SOCS5: variants seen among roughly 807,000 people sequenced by gnomAD.
SOCS5 encodes suppressor of cytokine signaling 5, also known as CIS-6.
SOCS5 carries 32 observed loss-of-function variants against 42.8 expected under a neutral mutation model. The ratio of observed to expected loss-of-function variants is 0.75; its 90% CI spans 0.56 to 1.01. The LOEUF (loss-of-function observed/expected upper bound fraction) is 1.01, where lower values mean the gene tolerates loss of function less well. SOCS5 is among the 50% of genes least tolerant of loss of function. SOCS5 has a pLI of 0.00. For synonymous variants in SOCS5, 283 were observed against 229.6 expected, an observed-to-expected ratio of 1.23 and a Z score of -2.10; for missense variants, 627 against 653.0, an observed-to-expected ratio of 0.96 and a Z score of 0.43.
intron 1 of SOCS5, among the ~76,000 whole-genome samples, chr2:46,717,776 C>T (rs1672782777): frequency 6.6e-6 from 1 of 152,124 alleles, no homozygotes; most frequent in Admixed American, 6.5e-5. Context: ...ATGGGGTATT[C>T]AACAAGGTCT....
Position 46,760,125 on chromosome 2 carries a change from C to G in SOCS5, c.1595C>G (p.Pro532Arg). Residue 532 changes from proline to arginine, a missense_variant, in exon 2 of 2, where the codon CCA becomes CGA. Physicochemically the swap from Pro to Arg is moderately radical, Grantham distance 103. This residue lies in a region of SOCS5 where 340 missense variants were observed against 367.6 expected (regional missense o/e 0.92). Transcript: ENST00000394861. ...AGAGTTCGCTGGTTGGAACGAGAAC[C>G]AGTCAAGGCAAAGTAAACTCTCCGG... ...KVRVRWLEREPVKAK is the reference protein window; with the variant it reads ...KVRVRWLERERVKAK 6.2e-7 allele frequency: 1 copy of G among 1,612,286 alleles called. No individual in the cohort carries two copies. Among genetic ancestry groups the G allele is most frequent in the Non-Finnish European group, 8.5e-7 (1 of 1,179,120 alleles).
At chr2:46,730,663 A>G (rs1381442295) in intron 1 of SOCS5, among the ~76,000 whole-genome samples, 1 of 152,214 alleles carries the variant, frequency 6.6e-6, no homozygotes, top group Non-Finnish European at 1.5e-5. Context: ...TTCCCATGAA[A>G]TATTAAATGT....
rs1229193086 is a variant in SOCS5 at position 46,759,056 on chromosome 2, T to C, written c.526T>C (p.Ser176Pro). 6.2e-7 allele frequency: 1 copy of C among 1,613,864 alleles called. No homozygotes were observed. Among genetic ancestry groups the C allele is most frequent in the Admixed American group, 1.7e-5 (1 of 60,002 alleles). The change falls in exon 2 of 2, where the codon TCT (serine) becomes CCT (proline). Residue 176 changes from serine to proline, a missense_variant. Physicochemically the swap from Ser to Pro is moderately conservative, Grantham distance 74 (BLOSUM62 -1). This residue lies in a region of SOCS5 where 278 missense variants were observed against 246.3 expected (regional missense o/e 1.13). Transcript: ENST00000394861. The stretch of plus-strand genomic sequence containing the variant: ...TTCCAGCAGAACTGTAGGAAGTCGC[T>C]CTCTAAGACAGAGGTTGCAGGATAC... ...SVSSRTVGSR[S>P]LRQRLQDTVG...
chr2:46,702,420 G>T (rs1293648213), intron 1 of SOCS5, among the ~76,000 whole-genome samples: 3 of 152,148 alleles, frequency 2.0e-5, no homozygotes. Context: ...ATGTGTTACT[G>T]TTTCTGAATG....
chr2:46,760,159 G>A lies in SOCS5; in HGVS notation c.*18G>A. 1 of 1,594,778 alleles carries A rather than the reference G, an allele frequency of 6.3e-7. No individual in the cohort carries two copies. The highest frequency in any genetic ancestry group is 8.6e-7 in the Non-Finnish European group (1 of 1,168,042). On this transcript the variant is annotated 3_prime_UTR_variant, in exon 2 of 2. Transcript: ENST00000394861. Reference sequence around the variant, plus strand: ...CAAAGTAAACTCTCCGGTCCCCAAAGGTTGTTAACTAGGTCCGCTTTCATG... The same window carrying A: ...CAAAGTAAACTCTCCGGTCCCCAAAAGTTGTTAACTAGGTCCGCTTTCATG...
chr2:46,706,606 T>G (rs956722358), intron 1 of SOCS5, among the ~76,000 whole-genome samples: 5 of 152,204 alleles, frequency 3.3e-5, no homozygotes, highest in African/African-American at 1.2e-4. Flanking sequence ...AATGGTTACA[T>G]TAATAAAAGG....
intron 1 of SOCS5, among the ~76,000 whole-genome samples, chr2:46,732,284 G>T (rs1363519053): frequency 6.6e-6 from 1 of 152,232 alleles, no homozygotes; most frequent in African/African-American, 2.4e-5. Flanking sequence ...ACTGGAAGGA[G>T]CTGTCAGTCA....
At chr2:46,702,045 G>C (rs190865289) in intron 1 of SOCS5, among the ~76,000 whole-genome samples, 1 of 151,958 alleles carries the variant, frequency 6.6e-6, no homozygotes, top group African/African-American at 2.4e-5. Flanking sequence ...CATGATCTTA[G>C]GCAAGTGATT....
intron 1 of SOCS5, among the ~76,000 whole-genome samples, chr2:46,730,375 C>T (rs769904253): frequency 2.6e-5 from 4 of 152,070 alleles, no homozygotes; most frequent in East Asian, 1.9e-4. Flanking sequence ...CCGAGGCGGG[C>T]GGATTGCTTG....
intron 1 of SOCS5, among the ~76,000 whole-genome samples, chr2:46,735,856 T>C (rs1365008081): frequency 6.6e-6 from 1 of 152,136 alleles, no homozygotes; most frequent in African/African-American, 2.4e-5. Flanking sequence ...ACACAGTCAA[T>C]AGTAGAGGGC....
intron 1 of SOCS5, among the ~76,000 whole-genome samples, chr2:46,708,120 G>A (rs746888788): frequency 6.6e-6 from 1 of 152,200 alleles, no homozygotes; most frequent in Non-Finnish European, 1.5e-5. Flanking sequence ...GTAGATAGAT[G>A]ACAGTCAAGG....
In SOCS5 at chr2:46,758,592, A is replaced by G. The variant is rs1003714249; in HGVS notation, c.62A>G (p.His21Arg). ...FKYRCQNLFGHEGGSRSENVD... is the reference protein window; with the variant it reads ...FKYRCQNLFGREGGSRSENVD... Reference sequence around the variant, plus strand: ...TACAGGTGTCAGAATCTCTTCGGTCATGAGGGAGGAAGCCGTAGTGAAAAT... The same window carrying G: ...TACAGGTGTCAGAATCTCTTCGGTCGTGAGGGAGGAAGCCGTAGTGAAAAT... The change falls in exon 2 of 2, where the codon CAT becomes CGT. Residue 21 changes from histidine (H) to arginine (R), a missense_variant. By Grantham distance (29) the His-to-Arg change is conservative (BLOSUM62 0). This residue lies in a region of SOCS5 where 278 missense variants were observed against 246.3 expected (regional missense o/e 1.13). Transcript: ENST00000394861. 5.0e-6 allele frequency: 8 copies of G among 1,613,450 alleles called. No homozygotes were observed. The highest frequency in any genetic ancestry group is 6.8e-6 in the Non-Finnish European group (8 of 1,179,574).
chr2:46,706,367 A>C (rs1255518762), intron 1 of SOCS5, among the ~76,000 whole-genome samples: 2 of 152,216 alleles, frequency 1.3e-5, no homozygotes, highest in African/African-American at 2.4e-5. Flanking sequence ...GGCAGCACTT[A>C]AAACTTGTAA....
rs144124607 is a variant in SOCS5, at chr2:46,725,715, T to G, written c.-13+26266T>G. Among the ~76,000 whole-genome samples the G allele has an allele frequency of 2.0e-3, 299 of 152,330 alleles. 2 individuals are homozygous for G. The highest frequency in any genetic ancestry group is 6.9e-3 in the African/African-American group (285 of 41,574). On this transcript the variant is annotated intron_variant, in intron 1 of 1. Transcript: ENST00000394861. ...CAGCATTCATTGGATGGTTACCATT[T>G]CTTTGTTCTTCCTTAATTATAGATA...
At chr2:46,729,988 A>G (rs1673080474) in intron 1 of SOCS5, among the ~76,000 whole-genome samples, 1 of 152,172 alleles carries the variant, frequency 6.6e-6, no homozygotes, top group African/African-American at 2.4e-5. Flanking sequence ...TTTGTTAAAG[A>G]CTAAGATACA....
chr2:46,759,401 G>C lies in SOCS5; in HGVS notation c.871G>C (p.Ala291Pro), dbSNP rs766884930. The C allele has an allele frequency of 6.2e-7, 1 of 1,613,974 alleles. No individual in the cohort carries two copies. The highest frequency in any genetic ancestry group is 1.1e-5 in the South Asian group (1 of 91,070). ...ACAAATACATACATTTGAAGCTACT[G>C]CACAGGTTAATCCATTATATAAACT... The part of the protein sequence containing the change: ...NAQIHTFEAT[A>P]QVNPLYKLGP... Residue 291 changes from alanine to proline, a missense_variant, in exon 2 of 2, where the codon GCA becomes CCA. This residue lies in a region of SOCS5 where 340 missense variants were observed against 367.6 expected (regional missense o/e 0.92). Coordinates refer to ENST00000394861, the MANE Select transcript of SOCS5 (RefSeq NM_144949.3).
chr2:46,759,517 C>T lies in SOCS5; in HGVS notation c.987C>T (p.Thr329=). 2.5e-6 allele frequency: 4 copies of T among 1,613,970 alleles called. No individual in the cohort carries two copies. The highest frequency in any genetic ancestry group is 3.4e-6 in the Non-Finnish European group (4 of 1,179,864). ...QANCDSEEDT[T]TLCLQSRRQK... ...ATTGTGACTCGGAAGAGGATACAACCACCCTGTGTTTGCAGTCACGGAGGC... is the reference window on the plus strand; with the variant it reads ...ATTGTGACTCGGAAGAGGATACAACTACCCTGTGTTTGCAGTCACGGAGGC... The change falls in exon 2 of 2, where the codon ACC becomes ACT. Residue 329 remains threonine, a synonymous_variant. Transcript: ENST00000394861.
At chr2:46,752,917 G>T (rs755247608) in intron 1 of SOCS5, among the ~76,000 whole-genome samples, 11 of 152,162 alleles carry the variant, frequency 7.2e-5, no homozygotes, top group Non-Finnish European at 1.6e-4. Flanking sequence ...ATTTTCAATT[G>T]ATCTTCAATC....
intron 1 of SOCS5, among the ~76,000 whole-genome samples, chr2:46,751,716 T>C (rs1293337774): frequency 6.6e-6 from 1 of 152,002 alleles, no homozygotes; most frequent in Non-Finnish European, 1.5e-5. Flanking sequence ...TCTTAGAGTA[T>C]TGATCTTCAA....
Sources: allele counts gnomAD v4.1 joint callset (sites outside exome capture counted in the v4.1 genomes callset), GRCh38; gene constraint gnomAD v4.1.1; regional missense constraint gnomAD v4.1.1; transcripts MANE v1.5; gene names NCBI Gene and HGNC (gene_info 2026-07-23, HGNC 2026-07-21).